UAP1: variants seen among roughly 807,000 people sequenced by gnomAD.
The protein encoded by UAP1 is UDP-N-acetylglucosamine pyrophosphorylase 1.
A neutral mutation model predicts 58.5 loss-of-function variants in UAP1; 25 were observed. The ratio of observed to expected loss-of-function variants is 0.43; its 90% CI spans 0.31 to 0.60. The LOEUF (loss-of-function observed/expected upper bound fraction) is 0.60. UAP1 is among the 20% of genes least tolerant of loss of function. UAP1 has a pLI of 0.11. For missense variants in UAP1, 575 were observed against 630.0 expected (o/e 0.91, Z 0.93); for synonymous variants, 208 against 213.0 (o/e 0.98, Z 0.21).
chr1:162,595,725 A>G (rs1423767138), intron 9 of UAP1, among the ~76,000 whole-genome samples: 3 of 152,236 alleles, frequency 2.0e-5, no homozygotes, highest in Non-Finnish European at 4.4e-5. Flanking sequence ...TTCAAGATGC[A>G]CATACATAAA....
chr1:162,566,321 G>A, exon 2 of UAP1: 2 of 1,614,096 alleles, frequency 1.2e-6, no homozygotes, highest in Non-Finnish European at 8.5e-7. Context: ...AAGGGATCAA[G>A]ATCAGCTCCA....
At chr1:162,579,928 A>T (rs2101783498) in intron 4 of UAP1, among the ~76,000 whole-genome samples, 1 of 152,254 alleles carries the variant, frequency 6.6e-6, no homozygotes, top group Admixed American at 6.5e-5. Flanking sequence ...ACAGTGGCGC[A>T]ATCTCGGCTC....
chr1:162,576,818 C>G, exon 3 of UAP1: 1 of 1,614,118 alleles, frequency 6.2e-7, no homozygotes, highest in Non-Finnish European at 8.5e-7. Context: ...AGTTCTTCTT[C>G]TAGCTGGTGG....
chr1:162,592,624 A>G, intron 8 of UAP1, 108 bp from the exon 9 acceptor site: 1 of 834,722 alleles, frequency 1.2e-6, no homozygotes. Context: ...CGAATTTATG[A>G]TTTACCATAA....
chr1:162,598,773 G>A (rs1655759793), intron 10 of UAP1, among the ~76,000 whole-genome samples: 2 of 152,142 alleles, frequency 1.3e-5, no homozygotes, highest in Admixed American at 6.5e-5. Context: ...CAGCGCTTTG[G>A]GAGGCCAAGG....
chr1:162,562,261 G>A (rs748686036), intron 1 of UAP1, among the ~76,000 whole-genome samples: 36 of 152,158 alleles, frequency 2.4e-4, no homozygotes, highest in Non-Finnish European at 4.6e-4. Context: ...CGTTGGCACT[G>A]TCAGGTGGAA....
At chr1:162,579,012 C>A (rs1413688467) in intron 3 of UAP1, among the ~76,000 whole-genome samples, 1 of 151,972 alleles carries the variant, frequency 6.6e-6, no homozygotes, top group Non-Finnish European at 1.5e-5. Context: ...TTAGCAGAGC[C>A]CAGACTGCAT....
chr1:162,566,421 T>C, intron 2 of UAP1, 73 bp downstream of exon 2: 1 of 1,454,058 alleles, frequency 6.9e-7, no homozygotes, highest in Admixed American at 2.3e-5. Context: ...AGCTGGATCA[T>C]GTCACTAATA....
chr1:162,580,067 A>G (rs764903867), intron 4 of UAP1, among the ~76,000 whole-genome samples: 1 of 152,124 alleles, frequency 6.6e-6, no homozygotes, highest in Non-Finnish European at 1.5e-5. Context: ...GGCTTTCGCC[A>G]TGTTGGCTAG....
chr1:162,571,320 G>A (rs1653853243), intron 2 of UAP1, among the ~76,000 whole-genome samples: 1 of 151,896 alleles, frequency 6.6e-6, no homozygotes, highest in Non-Finnish European at 1.5e-5. Context: ...GTAGAGACGG[G>A]GGTTTCAACA....
chr1:162,569,531 A>C (rs7556587), intron 2 of UAP1, among the ~76,000 whole-genome samples: 1 of 152,254 alleles, frequency 6.6e-6, no homozygotes, highest in African/African-American at 2.4e-5. Flanking sequence ...AAGAGAAGTA[A>C]TTATAAGCTT....
intron 3 of UAP1, among the ~76,000 whole-genome samples, chr1:162,578,697 A>G (rs1400194643): frequency 1.3e-5 from 2 of 152,206 alleles, no homozygotes; most frequent in Non-Finnish European, 2.9e-5. Context: ...CTAAAGTTCA[A>G]AATATCCAGG....
intron 9 of UAP1, among the ~76,000 whole-genome samples, 160 bp downstream of exon 9, chr1:162,592,942 C>T (rs572878420): frequency 2.0e-5 from 3 of 152,236 alleles, no homozygotes; most frequent in Admixed American, 2.0e-4. Context: ...AGGTATCTCT[C>T]TGGATGACAC....
chr1:162,580,024 C>A (rs1345388814), intron 4 of UAP1, among the ~76,000 whole-genome samples: 1 of 152,112 alleles, frequency 6.6e-6, no homozygotes, highest in East Asian at 1.9e-4. Context: ...GCCACCATGC[C>A]CAGCTAAGTT....
At chr1:162,595,479 C>G (rs1462523975) in intron 9 of UAP1, among the ~76,000 whole-genome samples, 2 of 152,106 alleles carry the variant, frequency 1.3e-5, no homozygotes, top group African/African-American at 4.8e-5. Context: ...CCCAGAAGGT[C>G]TGGACTAGAC....
At chr1:162,601,122 G>A (rs1655877897), downstream of UAP1, among the ~76,000 whole-genome samples, 1 of 152,154 alleles carries the variant, frequency 6.6e-6, no homozygotes. Flanking sequence ...GAAATGATAA[G>A]GTGATAGCAT....
At chr1:162,594,495 A>C (rs1392262691) in intron 9 of UAP1, among the ~76,000 whole-genome samples, 1 of 152,188 alleles carries the variant, frequency 6.6e-6, no homozygotes, top group African/African-American at 2.4e-5. Flanking sequence ...GTACCGGTCC[A>C]TGGCCCAGGG....
chr1:162,562,277 T>C (rs1170812060), intron 1 of UAP1, among the ~76,000 whole-genome samples: 1 of 151,726 alleles, frequency 6.6e-6, no homozygotes, highest in Non-Finnish European at 1.5e-5. Flanking sequence ...TGGAAGCGAG[T>C]TGGTGTGTCT....
chr1:162,569,204 A>G (rs1033123114), intron 2 of UAP1, among the ~76,000 whole-genome samples: 3 of 152,212 alleles, frequency 2.0e-5, no homozygotes, highest in African/African-American at 7.2e-5. Flanking sequence ...ATGGCATTGT[A>G]TTTCAGGTAG....
Sources: gnomAD v4.1 joint callset for allele counts (sites outside exome capture counted in the v4.1 genomes callset) on GRCh38, gnomAD v4.1.1 for gene constraint, MANE v1.5 for transcripts, NCBI Gene and HGNC (gene_info 2026-07-23, HGNC 2026-07-21) for gene names.